The following RSRC1 variants were observed in gnomAD, a reference collection of about 807,000 sequenced individuals.
RSRC1 encodes the protein serine/Arginine-related protein 53.
Under a neutral mutation model 49.1 loss-of-function variants are expected in RSRC1, and 39 were observed. That is an observed-to-expected ratio of 0.79 (90% confidence interval 0.61 to 1.04). The LOEUF is 1.04. RSRC1 is among the 50% of genes least tolerant of loss of function. The probability of loss-of-function intolerance (pLI) is 0.00; values close to 1 mark genes in which losing one functional copy is unlikely to be tolerated. For missense variants in RSRC1, 388 were observed against 402.4 expected (o/e 0.96, Z 0.31); for synonymous variants, 143 against 130.8 (o/e 1.09, Z -0.63).
intron 4 of RSRC1, among the ~76,000 whole-genome samples, chr3:158,207,943 A>C (rs1721441090): frequency 6.6e-6 from 1 of 152,150 alleles, no homozygotes; most frequent in South Asian, 2.1e-4. Context: ...TAGAACATTA[A>C]AATTGTAGAA....
chr3:158,252,149 C>T (rs994637210), intron 4 of RSRC1, among the ~76,000 whole-genome samples: 1 of 150,622 alleles, frequency 6.6e-6, no homozygotes, highest in Non-Finnish European at 1.5e-5. Flanking sequence ...CTCACTTGGT[C>T]ATGATGAATG....
chr3:158,151,942 C>T (rs980765403), intron 3 of RSRC1, among the ~76,000 whole-genome samples: 1 of 151,946 alleles, frequency 6.6e-6, no homozygotes, highest in Admixed American at 6.6e-5. Flanking sequence ...TAAAATGAAA[C>T]TTGTTAGGTT....
intron 3 of RSRC1, among the ~76,000 whole-genome samples, chr3:158,157,939 C>T (rs1323585583): frequency 1.3e-5 from 2 of 151,964 alleles, no homozygotes; most frequent in African/African-American, 4.8e-5. Context: ...AAGTGACAGT[C>T]CCTTTTGGAT....
intron 3 of RSRC1, among the ~76,000 whole-genome samples, chr3:158,148,304 A>G (rs1482934881): frequency 6.6e-6 from 1 of 151,990 alleles, no homozygotes; most frequent in Non-Finnish European, 1.5e-5. Context: ...AAGCAATTTG[A>G]TCATTCTCCT....
intron 1 of RSRC1, among the ~76,000 whole-genome samples, chr3:158,112,589 A>T (rs1216731239): frequency 6.6e-6 from 1 of 152,192 alleles, no homozygotes; most frequent in African/African-American, 2.4e-5. Context: ...CTGAAATGTA[A>T]ATGTGTCACT....
At chr3:158,124,196 A>G (rs191008197) in intron 3 of RSRC1, among the ~76,000 whole-genome samples, 4 of 152,248 alleles carry the variant, frequency 2.6e-5, no homozygotes, top group East Asian at 1.9e-4. Context: ...CCTCACTCAT[A>G]TATCTTGCAT....
intron 4 of RSRC1, among the ~76,000 whole-genome samples, chr3:158,245,320 A>G (rs903978221): frequency 6.6e-6 from 1 of 151,998 alleles, no homozygotes; most frequent in African/African-American, 2.4e-5. Flanking sequence ...GCTTCCATGT[A>G]CTTGTATGGC....
intron 7 of RSRC1, among the ~76,000 whole-genome samples, chr3:158,517,514 G>A (rs909837260): frequency 6.6e-6 from 1 of 151,510 alleles, no homozygotes; most frequent in East Asian, 1.9e-4. Flanking sequence ...TGTTTTGGTG[G>A]ATTCCCTTTG....
intron 5 of RSRC1, among the ~76,000 whole-genome samples, chr3:158,339,018 C>T (rs111424739): frequency 0.034 from 5,225 of 152,074 alleles, 317 homozygotes; most frequent in African/African-American, 0.12. Flanking sequence ...TAGGGCCGGG[C>T]GCGGTGGCTC....
chr3:158,214,316 T>G lies in RSRC1; in HGVS notation c.494+11071T>G, dbSNP rs115557093. On this transcript the variant is annotated intron_variant, in intron 4 of 9. Coordinates refer to ENST00000611884, the MANE Select transcript of RSRC1 (RefSeq NM_001271838.2). ...TCCCTTAGTATCTTTTTAAAATTTT[T>G]GTGTGACCTGTAGTGATAACTTCCT... Among the ~76,000 whole-genome samples the G allele has an allele frequency of 4.2e-3, 643 of 151,962 alleles. 4 individuals are homozygous for G. The highest frequency in any genetic ancestry group is 0.015 in the African/African-American group (617 of 41,510).
At chr3:158,155,503 C>T (rs961939566) in intron 3 of RSRC1, among the ~76,000 whole-genome samples, 9 of 151,992 alleles carry the variant, frequency 5.9e-5, no homozygotes, top group Admixed American at 4.6e-4. Flanking sequence ...GGCATGATCT[C>T]GGCTCCCTGC....
At chr3:158,497,265 C>T (rs1357186176) in intron 7 of RSRC1, among the ~76,000 whole-genome samples, 2 of 115,838 alleles carry the variant, frequency 1.7e-5, no homozygotes, top group African/African-American at 6.7e-5. Context: ...ACTTTTTTTT[C>T]CATAAGTTAT....
intron 6 of RSRC1, among the ~76,000 whole-genome samples, chr3:158,398,979 T>TG (rs1733752127): frequency 6.8e-6 from 1 of 147,494 alleles, no homozygotes; most frequent in Admixed American, 6.7e-5. Flanking sequence ...TGTGTTTGTA[T>TG]TTGTGTGTGT....
intron 4 of RSRC1, among the ~76,000 whole-genome samples, chr3:158,255,577 G>C (rs931358180): frequency 2.0e-5 from 3 of 152,124 alleles, no homozygotes; most frequent in African/African-American, 7.2e-5. Flanking sequence ...TGGACTTAAA[G>C]GTAGTTTTTT....
At chr3:158,439,057 G>T (rs1736224074) in intron 6 of RSRC1, among the ~76,000 whole-genome samples, 1 of 152,078 alleles carries the variant, frequency 6.6e-6, no homozygotes, top group South Asian at 2.1e-4. Context: ...AAAGACACAT[G>T]AAAAAATGCT....
chr3:158,207,978 GC>G (rs1721443814), intron 4 of RSRC1, among the ~76,000 whole-genome samples: 1 of 151,984 alleles, frequency 6.6e-6, no homozygotes, highest in African/African-American at 2.4e-5. Context: ...TCATAAATTG[GC>G]CTGCTAATTT....
intron 4 of RSRC1, among the ~76,000 whole-genome samples, chr3:158,235,905 C>T (rs187769833): frequency 4.6e-5 from 7 of 152,244 alleles, no homozygotes; most frequent in Admixed American, 3.9e-4. Flanking sequence ...ATCTTGAGGT[C>T]AGGAGTTTGA....
At chr3:158,250,766 T>C (rs1475422589) in intron 4 of RSRC1, among the ~76,000 whole-genome samples, 1 of 152,218 alleles carries the variant, frequency 6.6e-6, no homozygotes, top group Non-Finnish European at 1.5e-5. Context: ...GGGATGCAGA[T>C]ATTTTCCCAA....
At chr3:158,273,666 G>C (rs1725644936) in intron 4 of RSRC1, among the ~76,000 whole-genome samples, 1 of 152,072 alleles carries the variant, frequency 6.6e-6, no homozygotes, top group Non-Finnish European at 1.5e-5. Flanking sequence ...GTGTTTATAA[G>C]GTCTGATTAA....
Sources: allele counts gnomAD v4.1 joint callset (sites outside exome capture counted in the v4.1 genomes callset), GRCh38; gene constraint gnomAD v4.1.1; transcripts MANE v1.5; gene names NCBI Gene and HGNC (gene_info 2026-07-23, HGNC 2026-07-21).